Variants in TMEM114 observed in about 807,000 individuals in gnomAD.
TMEM114 encodes the protein claudin-26.
In TMEM114, 6 loss-of-function variants were observed where a neutral mutation model predicts 6.2. The ratio of observed to expected loss-of-function variants is 0.97; its 90% confidence interval spans 0.53 to 1.91. TMEM114 has a LOEUF of 1.91. TMEM114 is among the 40% of genes most tolerant of loss of function. The probability of loss-of-function intolerance (pLI) is 0.01; values close to 1 mark genes in which losing one functional copy is unlikely to be tolerated. For missense variants in TMEM114, 218 were observed against 158.3 expected (o/e 1.38, Z -2.02); for synonymous variants, 104 against 73.0 (o/e 1.42, Z -2.16).
chr16:8,540,515 A>T (rs560894613), intron 2 of TMEM114, among the ~76,000 whole-genome samples: 1 of 152,378 alleles, frequency 6.6e-6, no homozygotes, highest in African/African-American at 2.4e-5. Context: ...AGCTATTATT[A>T]CTGTTATAAT....
intron 2 of TMEM114, among the ~76,000 whole-genome samples, chr16:8,549,226 G>T (rs1168471886): frequency 6.6e-6 from 1 of 151,078 alleles, no homozygotes; most frequent in Non-Finnish European, 1.5e-5. Context: ...CAGGTTGGGG[G>T]TGGTGGCTCA....
downstream of TMEM114, among the ~76,000 whole-genome samples, chr16:8,536,985 C>T (rs548990363): frequency 6.6e-6 from 1 of 151,624 alleles, no homozygotes; most frequent in African/African-American, 2.4e-5. Context: ...GTGGGAGGAT[C>T]ATTTGAGCCC....
At chr16:8,542,144 G>GA (rs201803683) in intron 2 of TMEM114, among the ~76,000 whole-genome samples, 7 of 146,926 alleles carry the variant, frequency 4.8e-5, no homozygotes, top group African/African-American at 4.9e-5. Context: ...ATGATTCGTG[G>GA]GGGGGGGTCC....
At chr16:8,552,236 T>G (rs920538438) in intron 2 of TMEM114, among the ~76,000 whole-genome samples, 1 of 151,808 alleles carries the variant, frequency 6.6e-6, no homozygotes, top group African/African-American at 2.4e-5. Context: ...ATTTTAATAT[T>G]AGCCAGGCAT....
At chr16:8,555,695 C>G (rs918048412) in intron 2 of TMEM114, among the ~76,000 whole-genome samples, 1 of 152,170 alleles carries the variant, frequency 6.6e-6, no homozygotes, top group African/African-American at 2.4e-5. Context: ...AATTCTCAAC[C>G]AGGACAATCG....
chr16:8,536,789 T>C (rs1026554489), downstream of TMEM114, among the ~76,000 whole-genome samples: 7 of 152,186 alleles, frequency 4.6e-5, no homozygotes, highest in Non-Finnish European at 1.5e-5. Context: ...CCACTGTTCA[T>C]GGTCTAATTA....
chr16:8,549,461 C>G (rs975153953), intron 2 of TMEM114, among the ~76,000 whole-genome samples: 6 of 144,426 alleles, frequency 4.2e-5, no homozygotes, highest in African/African-American at 7.9e-5. Flanking sequence ...GATTGAGCCA[C>G]TTCACTCAAG....
downstream of TMEM114, among the ~76,000 whole-genome samples, chr16:8,567,771 T>TG (rs1300127204): frequency 4.6e-5 from 7 of 152,198 alleles, no homozygotes; most frequent in African/African-American, 1.7e-4. Flanking sequence ...TTGACGAATT[T>TG]GGGGATCAAA....
At chr16:8,531,365 T>G in the TMEM114 span, among the ~76,000 whole-genome samples, 1 of 152,228 alleles carries the variant, frequency 6.6e-6, no homozygotes, top group African/African-American at 2.4e-5. Context: ...AACACATAAC[T>G]TATCCCATTC....
intron 2 of TMEM114, among the ~76,000 whole-genome samples, chr16:8,547,154 G>A (rs1900695114): frequency 6.6e-6 from 1 of 152,170 alleles, no homozygotes; most frequent in South Asian, 2.1e-4. Context: ...GGGGGAAAAG[G>A]GGGGTCGTCA....
Position 8,570,024 on chromosome 16 carries a change from G to A in TMEM114, c.440-19C>T, listed in dbSNP as rs1216976510. 1.5e-5 allele frequency: 23 copies of A among 1,541,844 alleles called. No homozygotes were observed. The highest frequency in any genetic ancestry group is 2.0e-5 in the Non-Finnish European group (23 of 1,140,374). The stretch of plus-strand genomic sequence containing the variant: ...ACCATGGCTGCAGGGAGGGCAAAGG[G>A]AGAGCAGATCAATCCCCCACCCCGC... On this transcript the variant is annotated intron_variant, in intron 3 of 3. Transcript: ENST00000620492.
the TMEM114 span, among the ~76,000 whole-genome samples, chr16:8,530,566 G>A: frequency 1.5e-5 from 2 of 132,676 alleles, no homozygotes; most frequent in African/African-American, 5.0e-5. Flanking sequence ...AGACAGCGAG[G>A]GAGACAGAGA....
intron 3 of TMEM114, among the ~76,000 whole-genome samples, chr16:8,570,776 G>A (rs1901708495): frequency 1.3e-5 from 2 of 152,052 alleles, no homozygotes; most frequent in Non-Finnish European, 2.9e-5. Context: ...GAGCCACATG[G>A]TCCAGTACGA....
At chr16:8,542,071 G>A (rs915074879) in intron 2 of TMEM114, among the ~76,000 whole-genome samples, 2 of 152,172 alleles carry the variant, frequency 1.3e-5, no homozygotes, top group Non-Finnish European at 2.9e-5. Context: ...TGCAGCAGAA[G>A]CATACCATTG....
chr16:8,587,383 C>A (rs1902349649), intron 2 of TMEM114, among the ~76,000 whole-genome samples: 1 of 152,186 alleles, frequency 6.6e-6, no homozygotes, highest in East Asian at 1.9e-4. Context: ...TGGTCCTTGT[C>A]CCCATGGAGC....
At chr16:8,586,307 T>G (rs1321292484) in intron 2 of TMEM114, among the ~76,000 whole-genome samples, 3 of 152,118 alleles carry the variant, frequency 2.0e-5, no homozygotes, top group African/African-American at 7.2e-5. Context: ...TCCGTTTTGT[T>G]TATCCATTTT....
intron 2 of TMEM114, among the ~76,000 whole-genome samples, chr16:8,552,825 C>T (rs921816691): frequency 1.3e-5 from 2 of 152,142 alleles, no homozygotes; most frequent in East Asian, 1.9e-4. Flanking sequence ...GCACAAACCC[C>T]TCCCCTCCCC....
At chr16:8,560,217 C>G (rs1901155882) in intron 2 of TMEM114, among the ~76,000 whole-genome samples, 2 of 151,654 alleles carry the variant, frequency 1.3e-5, no homozygotes, top group South Asian at 4.2e-4. Flanking sequence ...AGGCTGGGCT[C>G]AAACTCCTGG....
At chr16:8,576,710 GGAAGGAAGGAA>G (rs1901942523) in intron 2 of TMEM114, among the ~76,000 whole-genome samples, 1 of 16,180 alleles carries the variant, frequency 6.2e-5, no homozygotes, top group Non-Finnish European at 1.4e-4. Context: ...AGAGCAGGAA[GGAAGGAAGGAA>G]GGAAGGAAGG....
Sources: allele counts gnomAD v4.1 joint callset (sites outside exome capture counted in the v4.1 genomes callset), GRCh38; gene constraint gnomAD v4.1.1; transcripts MANE v1.5; gene names NCBI Gene and HGNC (gene_info 2026-07-23, HGNC 2026-07-21).